PI4KA: variants seen among roughly 807,000 people sequenced by gnomAD.
PI4KA encodes the protein PI4-kinase alpha.
A neutral mutation model predicts 271.4 loss-of-function variants in PI4KA; 122 were observed. That is an observed-to-expected ratio of 0.45 (90% CI 0.39 to 0.52). The LOEUF is 0.52. Among genes scored for constraint, PI4KA ranks in the 20% least tolerant of loss-of-function variants. The probability of loss-of-function intolerance (pLI) is 0.00; values close to 1 mark genes in which losing one functional copy is unlikely to be tolerated. For missense variants in PI4KA, 1,969 were observed against 2,769.1 expected (o/e 0.71, Z 6.48); for synonymous variants, 1,041 against 1,078.8 (o/e 0.96, Z 0.69).
At chr22:20,734,624 T>C (rs1928483546) in intron 32 of PI4KA, 71 bp from the exon 33 acceptor site, 1 of 1,437,784 alleles carries the variant, frequency 7.0e-7, no homozygotes, top group Non-Finnish European at 9.5e-7. Context: ...TTTTCTCTAA[T>C]TAAAAAAAGG....
At chr22:20,762,805 TTCTC>T (rs976760480) in intron 22 of PI4KA, among the ~76,000 whole-genome samples, 5 of 152,180 alleles carry the variant, frequency 3.3e-5, no homozygotes, top group South Asian at 2.1e-4. Context: ...TCAGTGTTTT[TTCTC>T]TCTCTACTTA....
At chr22:20,847,147 C>CAAAAAAAA (rs752062607) in intron 1 of PI4KA, among the ~76,000 whole-genome samples, 2 of 74,924 alleles carry the variant, frequency 2.7e-5, no homozygotes, top group Non-Finnish European at 2.7e-5. Context: ...GACTCCATCT[C>CAAAAAAAA]AAAAAAAAAA....
In PI4KA at chr22:20,858,585, T is replaced by C; in HGVS notation, c.141A>G (p.Pro47=). ...SLARSLAVQR[P]ASLEKVQKLL... ...CCGACGTTACCTTCTCCAAGGATGC[T>C]GGTCTCTGCACCGCCAGGGAGCGGG... The change falls in exon 1 of 55, where the codon CCA becomes CCG. Residue 47 remains proline (P), a synonymous_variant. Transcript: ENST00000255882. 1 of 1,431,694 alleles carries C rather than the reference T, an allele frequency of 7.0e-7. No homozygotes were observed. The highest frequency in any genetic ancestry group is 1.4e-5 in the South Asian group (1 of 71,368). 88.7% of individuals were successfully genotyped at this position (1,431,694 alleles called of 1,614,324 possible).
intron 10 of PI4KA, among the ~76,000 whole-genome samples, chr22:20,807,044 A>G (rs1935693153): frequency 6.6e-6 from 1 of 152,034 alleles, no homozygotes; most frequent in South Asian, 2.1e-4. Context: ...CTCTTTTTTA[A>G]TTTTTTAAAC....
chr22:20,724,556 C>T (rs1045102939), intron 42 of PI4KA, among the ~76,000 whole-genome samples: 16 of 150,386 alleles, frequency 1.1e-4, no homozygotes, highest in African/African-American at 3.9e-4. Context: ...TGCAAGGAGC[C>T]GAGAATGCCA....
chr22:20,821,294 C>T (rs1601569369), intron 4 of PI4KA, among the ~76,000 whole-genome samples: 1 of 152,272 alleles, frequency 6.6e-6, no homozygotes, highest in East Asian at 1.9e-4. Context: ...TCTTGGCTTA[C>T]TGCAACCTCC....
chr22:20,801,671 G>GCAGCCCCGCTGCTAGAGACTCTCAT (rs1935339380), intron 14 of PI4KA, among the ~76,000 whole-genome samples: 1 of 151,946 alleles, frequency 6.6e-6, no homozygotes, highest in African/African-American at 2.4e-5. Flanking sequence ...ATCACCTGAG[G>GCAGCCCCGCTGCTAGAGACTCTCAT]TCAGGAGTTC....
chr22:20,712,034 G>GC (rs1925348745), intron 50 of PI4KA, among the ~76,000 whole-genome samples: 1 of 145,576 alleles, frequency 6.9e-6, no homozygotes, highest in Non-Finnish European at 1.5e-5. Context: ...TGAGCACTGC[G>GC]CCCGGCCAGG....
chr22:20,791,587 T>C (rs1340861035), intron 19 of PI4KA, among the ~76,000 whole-genome samples: 1 of 151,734 alleles, frequency 6.6e-6, no homozygotes, highest in Non-Finnish European at 1.5e-5. Context: ...CAAAACCCTA[T>C]CTCTACAAAA....
chr22:20,740,245 C>G, intron 32 of PI4KA, among the ~76,000 whole-genome samples: 1 of 149,978 alleles, frequency 6.7e-6, no homozygotes, highest in Non-Finnish European at 1.5e-5. Context: ...AAGAAAAGAA[C>G]AGTGAACTGG....
rs1256382962 is a variant in PI4KA at position 20,799,148 on chromosome 22, G to A, written c.1949C>T (p.Ser650Phe). The A allele has an allele frequency of 1.9e-6, 3 of 1,613,042 alleles. No homozygotes were observed. The highest frequency in any genetic ancestry group is 2.5e-6 in the Non-Finnish European group (3 of 1,179,522). ...ILQQKFCQPP[S>F]PLDVLIIDQL... Reference sequence around the variant, plus strand: ...GTCAATAATCAGCACATCGAGGGGGGAGGGTGGCTGGCAGAATTTCTGCTG... The same window carrying A: ...GTCAATAATCAGCACATCGAGGGGGAAGGGTGGCTGGCAGAATTTCTGCTG... The change falls in exon 16 of 55, where the codon TCC (serine) becomes TTC (phenylalanine). Residue 650 changes from serine to phenylalanine, a missense_variant. Physicochemically the swap from Ser to Phe is radical, Grantham distance 155 (BLOSUM62 -2). This residue lies in a region of PI4KA where 228 missense variants were observed against 261.6 expected (regional missense o/e 0.87). Coordinates refer to ENST00000255882, the MANE Select transcript of PI4KA (RefSeq NM_058004.4).
chr22:20,779,155 T>C, intron 19 of PI4KA: 1 of 1,535,982 alleles, frequency 6.5e-7, no homozygotes, highest in Non-Finnish European at 8.7e-7. Context: ...TCTCTTAAAG[T>C]CCATGATCCT....
At position 20,838,723 on chromosome 22, in the gene PI4KA, CT is replaced by C; in HGVS notation, c.164del (p.Lys55SerfsTer16). 2 of 1,601,182 alleles carry C rather than the reference CT, an allele frequency of 1.2e-6. No homozygotes were observed. Among genetic ancestry groups the C allele is most frequent in the African/African-American group, 1.3e-5 (1 of 74,532 alleles). On this transcript the variant is annotated frameshift_variant, in exon 2 of 55. Coordinates refer to ENST00000255882, the MANE Select transcript of PI4KA (RefSeq NM_058004.4). LOFTEE classifies it high-confidence loss of function. The part of the protein sequence containing the change: ...QRPASLEKVQ[K>X]LLCMCPVDFH... ...AATCCACTGGACACATGCAAAGAAG[CT>C]TTTGGACCTAGAAAATGAGACCCCC... is the stretch of plus-strand genomic sequence containing the variant.
At chr22:20,714,557 C>T in intron 46 of PI4KA, 29 bp from the exon 47 acceptor site, 1 of 1,613,976 alleles carries the variant, frequency 6.2e-7, no homozygotes, top group Non-Finnish European at 8.5e-7. Flanking sequence ...ATGTGGCACC[C>T]ATGATGCAGC....
chr22:20,814,911 C>T (rs567710823), intron 7 of PI4KA, among the ~76,000 whole-genome samples: 2 of 150,052 alleles, frequency 1.3e-5, no homozygotes, highest in East Asian at 2.0e-4. Context: ...AATCCCAGCA[C>T]TTTGGGAGGC....
intron 19 of PI4KA, chr22:20,784,301 G>A: frequency 6.2e-7 from 1 of 1,610,686 alleles, no homozygotes; most frequent in Non-Finnish European, 8.5e-7. Flanking sequence ...GGGTGTCTGG[G>A]AATACTGGAA....
intron 43 of PI4KA, among the ~76,000 whole-genome samples, chr22:20,719,854 G>A (rs1171610584): frequency 6.6e-6 from 1 of 151,854 alleles, no homozygotes; most frequent in Non-Finnish European, 1.5e-5. Context: ...GTGAAACACC[G>A]TCTCTACTGA....
At chr22:20,825,592 G>A (rs1236367505) in intron 3 of PI4KA, among the ~76,000 whole-genome samples, 2 of 152,004 alleles carry the variant, frequency 1.3e-5, no homozygotes, top group Non-Finnish European at 2.9e-5. Flanking sequence ...GAGTGAGACT[G>A]TCTCAAAAAA....
chr22:20,763,612 G>A (rs1282952905), intron 22 of PI4KA, among the ~76,000 whole-genome samples: 1 of 151,828 alleles, frequency 6.6e-6, no homozygotes, highest in African/African-American at 2.4e-5. Context: ...GCTAATTTTT[G>A]TATTTTTAGT....
Sources: gnomAD v4.1 joint callset for allele counts (sites outside exome capture counted in the v4.1 genomes callset) on GRCh38, gnomAD v4.1.1 for gene constraint, gnomAD v4.1.1 regional missense constraint, MANE v1.5 for transcripts, NCBI Gene and HGNC (gene_info 2026-07-23, HGNC 2026-07-21) for gene names.